The following HTRA1 variants were observed in gnomAD, a reference collection of about 807,000 sequenced individuals.
The protein encoded by HTRA1 is HtrA serine peptidase 1.
In HTRA1, 26 loss-of-function variants were observed where a neutral mutation model predicts 49.7. That is an observed-to-expected ratio of 0.52 (90% CI 0.38 to 0.73). The LOEUF is 0.73. Ranked by LOEUF, HTRA1 falls within the 30% of genes least tolerant of loss-of-function variation. The pLI is 0.00. For synonymous variants in HTRA1, 291 were observed against 286.9 expected (o/e 1.01, Z -0.14); for missense variants, 561 against 667.2 (o/e 0.84, Z 1.75).
intron 3 of HTRA1, among the ~76,000 whole-genome samples, chr10:122,504,577 G>C (rs528291214): frequency 6.6e-6 from 1 of 152,248 alleles, no homozygotes; most frequent in Non-Finnish European, 1.5e-5. Flanking sequence ...CCCTTTACCT[G>C]TCGCAAGCCC....
At position 122,464,687 on chromosome 10, in the gene HTRA1, G is replaced by A. The variant is rs1379130088; in HGVS notation, c.472+2563G>A. On this transcript the variant is annotated intron_variant, in intron 1 of 8. Coordinates refer to ENST00000368984, the MANE Select transcript of HTRA1 (RefSeq NM_002775.5). The surrounding 1 kb of genome is among the most constrained non-coding windows in gnomAD (Gnocchi z 4.8). ...CTTGACTTTTCGGAGGTGTTTCCGA[G>A]GACAGGCGCCTGGGAGCCAGCAGAC... 6.6e-6 allele frequency among the ~76,000 whole-genome samples: 1 copy of A among 152,228 alleles called. No homozygotes were observed. The highest frequency in any genetic ancestry group is 2.4e-5 in the African/African-American group (1 of 41,454).
At chr10:122,479,351 C>T (rs930247541) in intron 1 of HTRA1, among the ~76,000 whole-genome samples, 1 of 152,120 alleles carries the variant, frequency 6.6e-6, no homozygotes, top group Admixed American at 6.5e-5. Flanking sequence ...CTTGCTTTTG[C>T]CACTCGCCAG....
chr10:122,513,687 A>C (rs1213530919), intron 8 of HTRA1, among the ~76,000 whole-genome samples: 1 of 151,338 alleles, frequency 6.6e-6, no homozygotes, highest in Non-Finnish European at 1.5e-5. Flanking sequence ...TAAAAAAAAA[A>C]ACCTTAAAAA....
intron 5 of HTRA1, 134 bp downstream of exon 5, chr10:122,507,536 T>C: frequency 4.1e-6 from 3 of 731,352 alleles, no homozygotes; most frequent in Non-Finnish European, 7.4e-6. Flanking sequence ...AAGTGTATTA[T>C]AAATTCCTTT....
chr10:122,462,238 G>T, intron 1 of HTRA1, 114 bp downstream of exon 1: 1 of 937,548 alleles, frequency 1.1e-6, no homozygotes, highest in Non-Finnish European at 1.6e-6. Context: ...GGTGGCCAGG[G>T]CAACTCTCGG....
At chr10:122,503,070 C>T (rs538502721) in intron 3 of HTRA1, among the ~76,000 whole-genome samples, 72 of 152,358 alleles carry the variant, frequency 4.7e-4, no homozygotes, top group South Asian at 6.2e-4. Flanking sequence ...ACCTTCAAGA[C>T]GGCCTGTGGC....
At chr10:122,495,516 G>A (rs914641221) in intron 3 of HTRA1, among the ~76,000 whole-genome samples, 12 of 152,126 alleles carry the variant, frequency 7.9e-5, no homozygotes, top group African/African-American at 2.9e-4. Flanking sequence ...CTAAGCTCTT[G>A]ATTGCAGCTC....
intron 1 of HTRA1, among the ~76,000 whole-genome samples, chr10:122,466,204 C>G (rs893266218): frequency 6.6e-6 from 1 of 152,054 alleles, no homozygotes; most frequent in Admixed American, 6.5e-5. Context: ...CTCGTTCTGT[C>G]GCCTACGCTG....
intron 3 of HTRA1, among the ~76,000 whole-genome samples, chr10:122,500,259 A>C (rs2133444789): frequency 6.6e-6 from 1 of 152,318 alleles, no homozygotes; most frequent in Non-Finnish European, 1.5e-5. Context: ...CAGCAGTATA[A>C]GTTTGCGGGG....
At chr10:122,484,782 C>G (rs947656875) in intron 1 of HTRA1, among the ~76,000 whole-genome samples, 34 of 152,244 alleles carry the variant, frequency 2.2e-4, no homozygotes, top group African/African-American at 8.2e-4. Context: ...GGGTCACACT[C>G]TGGTCCATCT....
rs183516746 is a variant in HTRA1 at position 122,494,649 on chromosome 10, C to A, written c.777+5023C>A. Among the ~76,000 whole-genome samples, 1 of 152,136 alleles carries A rather than the reference C, an allele frequency of 6.6e-6. No individual in the cohort carries two copies. The highest frequency in any genetic ancestry group is 2.4e-5 in the African/African-American group (1 of 41,432). On this transcript the variant is annotated intron_variant, in intron 3 of 8. Coordinates refer to ENST00000368984, the MANE Select transcript of HTRA1 (RefSeq NM_002775.5). This position sits in a 1 kb window ranked among gnomAD's most constrained non-coding sequence, Gnocchi z 4.0. Reference sequence around the variant, plus strand: ...TCCCTCCCCTGTAGGCCTGCGCCACCCCCCCAACCCCACGGCCACCTTTGG... The same window carrying A: ...TCCCTCCCCTGTAGGCCTGCGCCACACCCCCAACCCCACGGCCACCTTTGG...
At chr10:122,502,945 C>T (rs1269630847) in intron 3 of HTRA1, among the ~76,000 whole-genome samples, 1 of 152,222 alleles carries the variant, frequency 6.6e-6, no homozygotes, top group Non-Finnish European at 1.5e-5. Context: ...CTTTCTTCTC[C>T]TCTTCCCTCT....
intron 8 of HTRA1, among the ~76,000 whole-genome samples, chr10:122,512,503 C>T (rs2097506086): frequency 6.6e-6 from 1 of 152,078 alleles, no homozygotes; most frequent in African/African-American, 2.4e-5. Context: ...AAAAATAACC[C>T]AAGTGATATC....
chr10:122,502,100 G>A (rs2097501161), intron 3 of HTRA1, among the ~76,000 whole-genome samples: 1 of 151,450 alleles, frequency 6.6e-6, no homozygotes. Context: ...CCCATGGTGA[G>A]GGAGGTGGAC....
At chr10:122,470,506 A>G (rs1234795202) in intron 1 of HTRA1, among the ~76,000 whole-genome samples, 1 of 151,684 alleles carries the variant, frequency 6.6e-6, no homozygotes, top group African/African-American at 2.4e-5. Context: ...CTAAAGCATT[A>G]AAGTCCAATG....
chr10:122,509,152 C>T (rs2097504445), intron 6 of HTRA1, among the ~76,000 whole-genome samples: 1 of 152,162 alleles, frequency 6.6e-6, no homozygotes, highest in African/African-American at 2.4e-5. Flanking sequence ...TTTATTGCCC[C>T]ATCTGCTCTA....
In HTRA1 at chr10:122,478,455, C is replaced by T. The variant is rs960124849; in HGVS notation, c.473-10447C>T. On this transcript the variant is annotated intron_variant, in intron 1 of 8. Coordinates refer to ENST00000368984, the MANE Select transcript of HTRA1 (RefSeq NM_002775.5). Reference sequence around the variant, plus strand: ...TTGCCCAGGCTGGAGTGCAGTGGTGCGATCTCGGCTCACTGCAAGCTCCAC... The same window carrying T: ...TTGCCCAGGCTGGAGTGCAGTGGTGTGATCTCGGCTCACTGCAAGCTCCAC... Among the ~76,000 whole-genome samples, 5 of 136,442 alleles carry T rather than the reference C, an allele frequency of 3.7e-5. No individual in the cohort carries two copies. The Admixed American group carries it at 4.3e-4, about 12-fold the overall frequency. The allele number at this position is 136,442 out of a possible 152,430, so 89.5% of individuals were successfully genotyped here.
intron 3 of HTRA1, among the ~76,000 whole-genome samples, chr10:122,497,963 C>T (rs926242037): frequency 2.0e-5 from 3 of 152,128 alleles, no homozygotes. Flanking sequence ...TATATACAGT[C>T]ATTAGCTGTC....
intron 1 of HTRA1, among the ~76,000 whole-genome samples, chr10:122,462,391 C>T (rs1457828082): frequency 6.6e-6 from 1 of 152,246 alleles, no homozygotes; most frequent in Non-Finnish European, 1.5e-5. Context: ...GCCGGGCGAC[C>T]GGCCATGGAG....
Sources: allele counts gnomAD v4.1 joint callset (sites outside exome capture counted in the v4.1 genomes callset), GRCh38; gene constraint gnomAD v4.1.1; non-coding constraint Gnocchi (gnomAD v3.1); transcripts MANE v1.5; gene names NCBI Gene and HGNC (gene_info 2026-07-23, HGNC 2026-07-21).